CDC42BPA: variants seen among roughly 807,000 people sequenced by gnomAD.
CDC42BPA encodes the protein serine/threonine-protein kinase MRCK alpha.
CDC42BPA carries 80 observed loss-of-function variants against 223.5 expected under a neutral mutation model. That is an observed-to-expected ratio of 0.36 (90% CI 0.30 to 0.43). The LOEUF (loss-of-function observed/expected upper bound fraction) is 0.43, where lower values mean the gene tolerates loss of function less well. Among genes scored for constraint, CDC42BPA ranks in the 20% least tolerant of loss-of-function variants. CDC42BPA has a pLI of 1.00. For synonymous variants in CDC42BPA, 694 were observed against 718.6 expected, an observed-to-expected ratio of 0.97 and a Z score of 0.55; for missense variants, 1,743 against 2,099.9, an observed-to-expected ratio of 0.83 and a Z score of 3.32.
In CDC42BPA at chr1:226,993,231, A is replaced by C. The variant is rs1660964277; in HGVS notation, c.*1037T>G. ...ATTGTTTTCTGCACCTTCAGAAGCT[A>C]CAACACTCCTTGTAACCTTTCAGAT... On this transcript the variant is annotated 3_prime_UTR_variant, in exon 37 of 37. Coordinates refer to ENST00000366766, the MANE Select transcript of CDC42BPA (RefSeq NM_001394014.1). The C allele has an allele frequency of 1.3e-5, 2 of 152,238 alleles. No homozygotes were observed. Among genetic ancestry groups the C allele is most frequent in the Admixed American group, 1.3e-4 (2 of 15,280 alleles). The allele number at this position is 152,238 out of a possible 1,614,324, so 9.4% of individuals were successfully genotyped here. A position where few individuals can be genotyped will look rare whatever the true frequency, so the allele number is the denominator to read the frequency against.
rs78053853 is a variant in CDC42BPA, at chr1:227,145,181, T to C, written c.1143+308A>G. Among the ~76,000 whole-genome samples the C allele has an allele frequency of 1.6e-4, 24 of 152,364 alleles. No individual in the cohort carries two copies. The East Asian group carries it at 2.1e-3, about 13-fold the overall frequency. Reference sequence around the variant, plus strand: ...GAGAAATTTGCCAACCTCTGCACTTTACAATCATAAAATCTGCTTTTTTAA... The same window carrying C: ...GAGAAATTTGCCAACCTCTGCACTTCACAATCATAAAATCTGCTTTTTTAA... On this transcript the variant is annotated intron_variant, in intron 8 of 36. Coordinates refer to ENST00000366766, the MANE Select transcript of CDC42BPA (RefSeq NM_001394014.1).
At chr1:227,188,104 AAT>A (rs1401555036) in intron 5 of CDC42BPA, among the ~76,000 whole-genome samples, 1 of 152,180 alleles carries the variant, frequency 6.6e-6, no homozygotes, top group Non-Finnish European at 1.5e-5. Context: ...GTGAAGGTAA[AAT>A]AAAAACTTTT....
At chr1:227,091,812 T>C in intron 16 of CDC42BPA, 74 bp downstream of exon 16, 1 of 745,436 alleles carries the variant, frequency 1.3e-6, no homozygotes, top group Non-Finnish European at 2.2e-6. Flanking sequence ...AAATATAAAG[T>C]TATACCCACA....
chr1:227,195,698 T>C (rs1425766172), intron 4 of CDC42BPA, among the ~76,000 whole-genome samples: 2 of 26,944 alleles, frequency 7.4e-5, no homozygotes, highest in African/African-American at 4.5e-4. Context: ...CCTATTCCTA[T>C]ATTATTATAT....
chr1:227,109,370 G>T (rs1010076707), intron 14 of CDC42BPA, among the ~76,000 whole-genome samples: 10 of 149,284 alleles, frequency 6.7e-5, no homozygotes, highest in African/African-American at 2.4e-4. Flanking sequence ...GTACAAAAAT[G>T]TATCTTTTTT....
intron 16 of CDC42BPA, among the ~76,000 whole-genome samples, chr1:227,089,585 A>G (rs1682660078): frequency 6.7e-6 from 1 of 150,172 alleles, no homozygotes; most frequent in African/African-American, 2.5e-5. Flanking sequence ...GGTGCTACTC[A>G]TATCCTACCT....
At chr1:227,144,379 A>ACG (rs1660276746) in intron 8 of CDC42BPA, among the ~76,000 whole-genome samples, 1 of 152,088 alleles carries the variant, frequency 6.6e-6, no homozygotes, top group Non-Finnish European at 1.5e-5. Flanking sequence ...GATCAAGACC[A>ACG]TTCTGGCTAA....
At chr1:227,011,978 C>A (rs59945801) in intron 34 of CDC42BPA, among the ~76,000 whole-genome samples, 4,552 of 152,170 alleles carry the variant, frequency 0.03, 201 homozygotes, top group African/African-American at 0.1. Flanking sequence ...CTGAGATGAA[C>A]CTGCTTTGTA....
chr1:227,224,465 C>G (rs1026605681), intron 2 of CDC42BPA, among the ~76,000 whole-genome samples: 2 of 152,102 alleles, frequency 1.3e-5, no homozygotes, highest in African/African-American at 4.8e-5. Flanking sequence ...CTCCTGACCT[C>G]AGGTGATGCG....
chr1:227,040,078 T>A, intron 24 of CDC42BPA, 53 bp downstream of exon 24: 2 of 1,073,162 alleles, frequency 1.9e-6, no homozygotes, highest in East Asian at 4.7e-5. Context: ...AATCAACTTA[T>A]TTGATTACAA....
intron 1 of CDC42BPA, among the ~76,000 whole-genome samples, chr1:227,273,157 G>A (rs1686248461): frequency 6.6e-6 from 1 of 152,160 alleles, no homozygotes; most frequent in Admixed American, 6.5e-5. Context: ...AATTAGCCAG[G>A]CATGGTGGCG....
At chr1:227,277,363 A>G (rs185178454) in intron 1 of CDC42BPA, among the ~76,000 whole-genome samples, 11 of 152,320 alleles carry the variant, frequency 7.2e-5, no homozygotes, top group African/African-American at 2.6e-4. Context: ...TAAATGTAGA[A>G]ATGGCACCAT....
At chr1:227,293,393 C>T (rs1020265843) in intron 1 of CDC42BPA, among the ~76,000 whole-genome samples, 2 of 152,014 alleles carry the variant, frequency 1.3e-5, no homozygotes, top group African/African-American at 4.8e-5. Context: ...AATCCTCAAG[C>T]TTACAGAACT....
intron 2 of CDC42BPA, among the ~76,000 whole-genome samples, chr1:227,218,683 GAAGAGCTCTT>G (rs906108770): frequency 2.6e-5 from 4 of 152,118 alleles, no homozygotes; most frequent in Non-Finnish European, 5.9e-5. Context: ...TATAAGTACT[GAAGAGCTCTT>G]CCCATTCATC....
chr1:227,163,881 C>T (rs899491571), intron 5 of CDC42BPA, among the ~76,000 whole-genome samples: 10 of 151,762 alleles, frequency 6.6e-5, no homozygotes, highest in Admixed American at 2.0e-4. Context: ...TTAAATCTAC[C>T]GGGGATTAAT....
chr1:227,251,655 C>T (rs550856645), intron 2 of CDC42BPA, among the ~76,000 whole-genome samples: 3 of 151,986 alleles, frequency 2.0e-5, no homozygotes, highest in Admixed American at 1.3e-4. Flanking sequence ...TCCATAATAG[C>T]GAATGAGTTA....
chr1:227,021,854 C>T (rs942459156), intron 32 of CDC42BPA, among the ~76,000 whole-genome samples: 22 of 151,750 alleles, frequency 1.4e-4, no homozygotes, highest in Admixed American at 3.3e-4. Context: ...CCCGTCTCTA[C>T]TAAAAATACA....
intron 21 of CDC42BPA, among the ~76,000 whole-genome samples, chr1:227,058,886 A>C (rs1457258939): frequency 1.3e-5 from 2 of 152,160 alleles, no homozygotes; most frequent in Admixed American, 6.5e-5. Flanking sequence ...AAAAAAAAAA[A>C]AACAAGATTT....
chr1:227,313,633 CTGAT>C (rs1693883487), intron 1 of CDC42BPA, among the ~76,000 whole-genome samples: 2 of 135,744 alleles, frequency 1.5e-5, no homozygotes, highest in South Asian at 4.5e-4. Flanking sequence ...ATAATTCGGA[CTGAT>C]TAATTAATAA....
Sources: allele counts gnomAD v4.1 joint callset (sites outside exome capture counted in the v4.1 genomes callset), GRCh38; gene constraint gnomAD v4.1.1; transcripts MANE v1.5; gene names NCBI Gene and HGNC (gene_info 2026-07-23, HGNC 2026-07-21).